RYR3: variants seen among roughly 807,000 people sequenced by gnomAD.
The protein encoded by RYR3 is ryanodine receptor 3, also known as brain ryanodine receptor-calcium release channel.
Under a neutral mutation model 584.3 loss-of-function variants are expected in RYR3, and 207 were observed. That is an observed-to-expected ratio of 0.35 (90% CI 0.32 to 0.40). The LOEUF (loss-of-function observed/expected upper bound fraction) is 0.40. Among genes scored for constraint, RYR3 ranks in the 10% least tolerant of loss-of-function variants. RYR3 has a pLI of 1.00. For missense variants in RYR3, 5,616 were observed against 6,089.2 expected, an observed-to-expected ratio of 0.92 and a Z score of 2.59; for synonymous variants, 2,416 against 2,248.5, an observed-to-expected ratio of 1.07 and a Z score of -2.11.
At chr15:33,607,663 A>G (rs2059973820) in intron 18 of RYR3, among the ~76,000 whole-genome samples, 1 of 152,222 alleles carries the variant, frequency 6.6e-6, no homozygotes, top group African/African-American at 2.4e-5. Context: ...AAGAAAGTAG[A>G]TTTTAAATCA....
chr15:33,454,872 A>G (rs973562299), intron 1 of RYR3, among the ~76,000 whole-genome samples: 6 of 152,226 alleles, frequency 3.9e-5, no homozygotes, highest in Admixed American at 1.3e-4. Context: ...AGAAGAGGGC[A>G]GGAACCAGAT....
chr15:33,605,901 C>T (rs1457729013), intron 18 of RYR3, among the ~76,000 whole-genome samples: 4 of 152,102 alleles, frequency 2.6e-5, no homozygotes, highest in African/African-American at 7.2e-5. Flanking sequence ...AGAAAGTGGT[C>T]GTGATAAATT....
At chr15:33,764,252 AAAG>A (rs1406872066) in intron 60 of RYR3, among the ~76,000 whole-genome samples, 4 of 152,208 alleles carry the variant, frequency 2.6e-5, no homozygotes, top group Non-Finnish European at 5.9e-5. Context: ...CAGCCATAAA[AAAG>A]AATGAGTTCA....
At chr15:33,665,959 A>G (rs2063472129) in intron 36 of RYR3, among the ~76,000 whole-genome samples, 1 of 152,204 alleles carries the variant, frequency 6.6e-6, no homozygotes, top group African/African-American at 2.4e-5. Context: ...AGCAAGCATC[A>G]GAATCATCTA....
At position 33,699,742 on chromosome 15, in the gene RYR3, C is replaced by T; in HGVS notation, c.6288C>T (p.Phe2096=). The part of the protein sequence containing the change: ...FPKMVASCCR[F]LCYFCRISRQ... The stretch of plus-strand genomic sequence containing the variant: ...AGATGGTTGCTAGCTGCTGCCGTTT[C>T]CTTTGCTATTTCTGTCGAATTAGCC... Residue 2096 remains phenylalanine, a synonymous_variant, in exon 41 of 104, where the codon TTC becomes TTT. Transcript: ENST00000634891. 1.2e-6 allele frequency: 2 copies of T among 1,613,848 alleles called. No homozygotes were observed. The highest frequency in any genetic ancestry group is 1.7e-6 in the Non-Finnish European group (2 of 1,179,812).
chr15:33,692,340 G>T (rs2065493225), intron 38 of RYR3, among the ~76,000 whole-genome samples: 1 of 152,088 alleles, frequency 6.6e-6, no homozygotes, highest in Admixed American at 6.5e-5. Context: ...GTTGTGCCTG[G>T]GTTTGCTTGG....
intron 1 of RYR3, among the ~76,000 whole-genome samples, chr15:33,460,416 A>G (rs1306122238): frequency 1.3e-5 from 2 of 152,240 alleles, no homozygotes; most frequent in African/African-American, 4.8e-5. Flanking sequence ...CTTCCTTCAC[A>G]AAAGAGCCTT....
intron 8 of RYR3, among the ~76,000 whole-genome samples, chr15:33,547,799 G>C (rs2056359609): frequency 6.6e-6 from 1 of 152,178 alleles, no homozygotes; most frequent in Non-Finnish European, 1.5e-5. Flanking sequence ...AGCATTCTGT[G>C]TCTGCCGTCA....
At chr15:33,504,348 T>G (rs1407532159) in intron 3 of RYR3, among the ~76,000 whole-genome samples, 1 of 152,204 alleles carries the variant, frequency 6.6e-6, no homozygotes, top group East Asian at 1.9e-4. Flanking sequence ...TTCAAAATAA[T>G]TTTTGACTCT....
Position 33,631,313 on chromosome 15 carries a change from A to G in RYR3, c.2867+20A>G, listed in dbSNP as rs370798555. 304 of 1,485,606 alleles carry G rather than the reference A, an allele frequency of 2.0e-4. 6 individuals carry two copies. In the South Asian group the frequency reaches 3.4e-3, roughly 17 times the overall value. The allele number at this position is 1,485,606 out of a possible 1,614,324, so 92.0% of individuals were successfully genotyped here. A position where few individuals can be genotyped will look rare whatever the true frequency, so the allele number is the denominator to read the frequency against. On this transcript the variant is annotated intron_variant, in intron 23 of 103. Transcript: ENST00000634891. ...CAAAAAGTAGGTGATTTTTTTTTTA[A>G]TGGTTCAAGACTTTAATGCTTCAGC...
chr15:33,645,193 C>T (rs2152674161), intron 28 of RYR3, among the ~76,000 whole-genome samples: 1 of 152,264 alleles, frequency 6.6e-6, no homozygotes, highest in East Asian at 1.9e-4. Flanking sequence ...AATCTATCCC[C>T]ATCTTCTAAG....
intron 45 of RYR3, 124 bp from the exon 46 acceptor site, chr15:33,726,262 A>G (rs1215902037): frequency 1.8e-5 from 19 of 1,030,760 alleles, no homozygotes; most frequent in Non-Finnish European, 2.6e-5. Flanking sequence ...GTCTGTAGCA[A>G]TTAGGGAAAC....
chr15:33,543,776 G>C, intron 8 of RYR3, 61 bp downstream of exon 8: 1 of 1,074,912 alleles, frequency 9.3e-7, no homozygotes, highest in South Asian at 1.2e-5. Context: ...TCAAACTAAA[G>C]AGTTTACATT....
intron 8 of RYR3, among the ~76,000 whole-genome samples, chr15:33,547,537 A>G (rs1417063376): frequency 1.3e-5 from 2 of 152,196 alleles, no homozygotes; most frequent in East Asian, 3.8e-4. Flanking sequence ...TGTTTGATAA[A>G]CCTAACATTT....
chr15:33,385,710 C>CTTTTTTTTTTTTTTTTT (rs10682215), intron 1 of RYR3, among the ~76,000 whole-genome samples: 5 of 131,402 alleles, frequency 3.8e-5, no homozygotes, highest in African/African-American at 1.2e-4. Flanking sequence ...TTTTTCTTTT[C>CTTTTTTTTTTTTTTTTT]TTTTTTTTTT....
At chr15:33,670,612 A>T (rs1006812711) in intron 38 of RYR3, 56 bp downstream of exon 38, 2 of 1,495,000 alleles carry the variant, frequency 1.3e-6, no homozygotes, top group African/African-American at 1.4e-5. Context: ...AATTAATGTA[A>T]CTTTTTTTAA....
chr15:33,852,147 C>CT (rs772283507), intron 94 of RYR3: 5 of 151,704 alleles, frequency 3.3e-5, no homozygotes, highest in East Asian at 3.9e-4. Context: ...CTGTTGTGTT[C>CT]TAGAACCAAA....
At chr15:33,826,465 T>A (rs1194764846) in intron 83 of RYR3, among the ~76,000 whole-genome samples, 196 bp downstream of exon 83, 1 of 152,228 alleles carries the variant, frequency 6.6e-6, no homozygotes, top group Non-Finnish European at 1.5e-5. Flanking sequence ...ACTCTCCTTA[T>A]CCAGTTGTCT....
At chr15:33,349,743 C>T (rs1329364438) in intron 1 of RYR3, among the ~76,000 whole-genome samples, 1 of 102,142 alleles carries the variant, frequency 9.8e-6, no homozygotes, top group African/African-American at 4.2e-5. Context: ...ATCCCTCCCC[C>T]CTCCCCCCAC....
Sources: gnomAD v4.1 joint callset for allele counts (sites outside exome capture counted in the v4.1 genomes callset) on GRCh38, gnomAD v4.1.1 for gene constraint, MANE v1.5 for transcripts, NCBI Gene and HGNC (gene_info 2026-07-23, HGNC 2026-07-21) for gene names.